Variants in LRFN5 observed in about 807,000 individuals in gnomAD.
LRFN5 encodes the protein leucine rich repeat and fibronectin type III domain containing 5, also known as leucine-rich repeat and fibronectin type-III domain-containing protein 5.
LRFN5 carries 24 observed loss-of-function variants against 45.6 expected under a neutral mutation model. The ratio of observed to expected loss-of-function variants is 0.53; its 90% CI spans 0.38 to 0.74. The LOEUF (loss-of-function observed/expected upper bound fraction) is 0.74, where lower values mean the gene tolerates loss of function less well. Among genes scored for constraint, LRFN5 ranks in the 30% least tolerant of loss-of-function variants. The pLI is 0.00. For missense variants in LRFN5, 776 were observed against 861.5 expected (o/e 0.90, Z 1.24); for synonymous variants, 340 against 313.8 (o/e 1.08, Z -0.88).
At chr14:41,651,451 G>C (rs1168101011) in intron 1 of LRFN5, among the ~76,000 whole-genome samples, 1 of 152,098 alleles carries the variant, frequency 6.6e-6, no homozygotes, top group East Asian at 1.9e-4. Flanking sequence ...TACACTTACA[G>C]AAAGAACTTG....
At chr14:41,804,567 A>G (rs1887454004) in intron 2 of LRFN5, among the ~76,000 whole-genome samples, 1 of 152,142 alleles carries the variant, frequency 6.6e-6, no homozygotes, top group African/African-American at 2.4e-5. Context: ...GTGGTCTTTC[A>G]TTAGTTTTAC....
chr14:41,846,978 T>G (rs1889091338), intron 2 of LRFN5, among the ~76,000 whole-genome samples: 1 of 152,146 alleles, frequency 6.6e-6, no homozygotes, highest in Non-Finnish European at 1.5e-5. Context: ...AAGCTTCTTT[T>G]TGCTGTGTAA....
At chr14:41,764,740 A>G (rs1022798833) in intron 1 of LRFN5, among the ~76,000 whole-genome samples, 6 of 152,130 alleles carry the variant, frequency 3.9e-5, no homozygotes, top group African/African-American at 1.4e-4. Context: ...GTTTTAACCT[A>G]AACAGTTTAT....
At chr14:41,872,233 A>T (rs936138233) in intron 2 of LRFN5, among the ~76,000 whole-genome samples, 3 of 152,232 alleles carry the variant, frequency 2.0e-5, no homozygotes, top group Non-Finnish European at 4.4e-5. Context: ...TATGGCTATG[A>T]CTAATCACTA....
chr14:41,740,951 T>C (rs1309927568), intron 1 of LRFN5, among the ~76,000 whole-genome samples: 2 of 151,700 alleles, frequency 1.3e-5, no homozygotes. Context: ...CAAAAAGAAA[T>C]CAAGAAAATA....
chr14:41,762,546 T>C (rs1431778428), intron 1 of LRFN5, among the ~76,000 whole-genome samples: 1 of 152,154 alleles, frequency 6.6e-6, no homozygotes, highest in Admixed American at 6.5e-5. Context: ...GAGGCAAGCA[T>C]GTTTTAATAA....
At chr14:41,647,126 G>T (rs1271998551) in intron 1 of LRFN5, among the ~76,000 whole-genome samples, 1 of 152,124 alleles carries the variant, frequency 6.6e-6, no homozygotes, top group Non-Finnish European at 1.5e-5. Context: ...TGTTTATATT[G>T]TTGGTGTTTA....
intron 1 of LRFN5, among the ~76,000 whole-genome samples, chr14:41,727,370 G>C (rs1229816423): frequency 6.6e-6 from 1 of 152,092 alleles, no homozygotes; most frequent in Non-Finnish European, 1.5e-5. Context: ...TTAGCAGGCA[G>C]AGGCAGGAGG....
chr14:41,675,358 C>G (rs552310436), intron 1 of LRFN5, among the ~76,000 whole-genome samples: 1 of 152,238 alleles, frequency 6.6e-6, no homozygotes, highest in African/African-American at 2.4e-5. Flanking sequence ...CCCGGCACCT[C>G]GGGAGGCCGA....
At chr14:41,842,622 T>C (rs1888903059) in intron 2 of LRFN5, among the ~76,000 whole-genome samples, 1 of 152,162 alleles carries the variant, frequency 6.6e-6, no homozygotes, top group Non-Finnish European at 1.5e-5. Context: ...AGAGTGCTGT[T>C]TGTTAAATAT....
chr14:41,712,052 G>A lies in LRFN5; in HGVS notation c.-196-54802G>A, dbSNP rs117500299. Among the ~76,000 whole-genome samples, 346 of 152,262 alleles carry A rather than the reference G, an allele frequency of 2.3e-3. 1 individual carries two copies. Among genetic ancestry groups the A allele is most frequent in the Non-Finnish European group, 3.6e-3 (244 of 68,010 alleles). On this transcript the variant is annotated intron_variant, in intron 1 of 5. Coordinates refer to ENST00000298119, the MANE Select transcript of LRFN5 (RefSeq NM_152447.5). ...ATTAGACACAATAGAAGAAAGAATT[G>A]TTGAAGTTGACGAGAACGGAAGAAA...
At chr14:41,793,889 T>C (rs1268138919) in intron 2 of LRFN5, among the ~76,000 whole-genome samples, 3 of 152,098 alleles carry the variant, frequency 2.0e-5, no homozygotes, top group African/African-American at 4.8e-5. Flanking sequence ...GTTCCTTACA[T>C]ACAATATATC....
chr14:41,860,978 G>A (rs993346196), intron 2 of LRFN5, among the ~76,000 whole-genome samples: 2 of 152,166 alleles, frequency 1.3e-5, no homozygotes, highest in African/African-American at 4.8e-5. Context: ...TATAAGAAAA[G>A]TAATTCTGCT....
intron 2 of LRFN5, among the ~76,000 whole-genome samples, chr14:41,779,208 G>T (rs1445187574): frequency 1.3e-5 from 2 of 151,706 alleles, no homozygotes; most frequent in Admixed American, 6.6e-5. Flanking sequence ...ATTATGAAAA[G>T]ATATCAGATT....
intron 1 of LRFN5, among the ~76,000 whole-genome samples, chr14:41,737,888 A>G (rs1253684684): frequency 6.6e-6 from 1 of 152,198 alleles, no homozygotes; most frequent in African/African-American, 2.4e-5. Context: ...GCTCATGGAT[A>G]GGAAGAATCA....
chr14:41,836,713 G>T (rs1229183543), intron 2 of LRFN5, among the ~76,000 whole-genome samples: 3 of 152,146 alleles, frequency 2.0e-5, no homozygotes, highest in Non-Finnish European at 4.4e-5. Context: ...ATTCTGCGAG[G>T]CAGTTCCTTT....
intron 1 of LRFN5, among the ~76,000 whole-genome samples, chr14:41,671,731 C>T (rs1013436787): frequency 6.7e-6 from 1 of 148,480 alleles, no homozygotes; most frequent in Non-Finnish European, 1.5e-5. Flanking sequence ...ATTCTCCTGC[C>T]TCTCAGCCTC....
intron 1 of LRFN5, among the ~76,000 whole-genome samples, chr14:41,639,256 T>C (rs944520011): frequency 6.6e-6 from 1 of 152,046 alleles, no homozygotes; most frequent in Non-Finnish European, 1.5e-5. Context: ...CGTTAACGAG[T>C]AGGTTTGCCT....
intron 1 of LRFN5, among the ~76,000 whole-genome samples, chr14:41,737,921 AC>A (rs1243995982): frequency 6.6e-6 from 1 of 152,110 alleles, no homozygotes; most frequent in East Asian, 1.9e-4. Context: ...TGGTCATACC[AC>A]CCAAAGTAAT....
Sources: allele counts gnomAD v4.1 joint callset (sites outside exome capture counted in the v4.1 genomes callset), GRCh38; gene constraint gnomAD v4.1.1; transcripts MANE v1.5; gene names NCBI Gene and HGNC (gene_info 2026-07-23, HGNC 2026-07-21).